TMEM132D: variants seen among roughly 807,000 people sequenced by gnomAD.
The protein encoded by TMEM132D is transmembrane protein 132D, also known as mature OL transmembrane protein.
A neutral mutation model predicts 62.3 loss-of-function variants in TMEM132D; 21 were observed. The ratio of observed to expected loss-of-function variants is 0.34; its 90% confidence interval spans 0.24 to 0.49. The LOEUF (loss-of-function observed/expected upper bound fraction) is 0.49, where lower values mean the gene tolerates loss of function less well. TMEM132D is among the 20% of genes least tolerant of loss of function. TMEM132D has a pLI of 0.99. For synonymous variants in TMEM132D, 621 were observed against 575.6 expected, an observed-to-expected ratio of 1.08 and a Z score of -1.13; for missense variants, 1,346 against 1,402.8, an observed-to-expected ratio of 0.96 and a Z score of 0.65.
At chr12:129,203,597 C>A (rs539477521) in intron 5 of TMEM132D, among the ~76,000 whole-genome samples, 1 of 152,334 alleles carries the variant, frequency 6.6e-6, no homozygotes, top group South Asian at 2.1e-4. Context: ...CCTACTTCTG[C>A]CTAAATTTGC....
chr12:129,739,453 C>T (rs538393335), intron 1 of TMEM132D, among the ~76,000 whole-genome samples: 136 of 152,256 alleles, frequency 8.9e-4, no homozygotes, highest in African/African-American at 3.1e-3. Flanking sequence ...GATGGATGCA[C>T]GCTGGCCTAC....
In TMEM132D at chr12:129,546,733, G is replaced by A. The variant is rs184505903; in HGVS notation, c.969-15528C>T. On this transcript the variant is annotated intron_variant, in intron 2 of 8. Coordinates refer to ENST00000422113, the MANE Select transcript of TMEM132D (RefSeq NM_133448.3). The stretch of plus-strand genomic sequence containing the variant: ...GGAGAATTGCTTGAACCCAGGAGGT[G>A]GAGGTTGCAGTGAGCCGAGATCATG... 4.7e-3 allele frequency among the ~76,000 whole-genome samples: 712 copies of A among 151,966 alleles called. 7 individuals are homozygous for A. Among genetic ancestry groups the A allele is most frequent in the Admixed American group, 0.023 (349 of 15,268 alleles).
chr12:129,490,354 A>G (rs1346702681), intron 3 of TMEM132D, among the ~76,000 whole-genome samples: 1 of 148,080 alleles, frequency 6.8e-6, no homozygotes, highest in Middle Eastern at 3.3e-3. Context: ...ACCCACAGGT[A>G]TGTCTTGTTT....
At chr12:129,712,622 C>A (rs904240676) in intron 1 of TMEM132D, among the ~76,000 whole-genome samples, 8 of 152,114 alleles carry the variant, frequency 5.3e-5, no homozygotes, top group African/African-American at 1.7e-4. Context: ...GTATGGCTGG[C>A]GCTACCAAGA....
At chr12:129,829,288 C>T (rs896268697) in intron 1 of TMEM132D, among the ~76,000 whole-genome samples, 3 of 152,104 alleles carry the variant, frequency 2.0e-5, no homozygotes, top group Non-Finnish European at 2.9e-5. Flanking sequence ...TGAAATACGA[C>T]GGCCACAGGG....
At chr12:129,315,394 G>A (rs1868454182) in intron 4 of TMEM132D, among the ~76,000 whole-genome samples, 1 of 151,986 alleles carries the variant, frequency 6.6e-6, no homozygotes, top group South Asian at 2.1e-4. Context: ...TGCATCTATT[G>A]AGATGATTAT....
intron 5 of TMEM132D, among the ~76,000 whole-genome samples, chr12:129,201,235 AT>A (rs999152100): frequency 6.6e-6 from 1 of 152,178 alleles, no homozygotes; most frequent in South Asian, 2.1e-4. Context: ...ACCTCAGCAA[AT>A]TTTTCAGGAG....
intron 2 of TMEM132D, among the ~76,000 whole-genome samples, chr12:129,585,319 G>A (rs1877993918): frequency 6.6e-6 from 1 of 152,180 alleles, no homozygotes; most frequent in African/African-American, 2.4e-5. Context: ...GCAGGGATGA[G>A]GTTTTGTGAG....
At chr12:129,741,046 C>A (rs1379599973) in intron 1 of TMEM132D, among the ~76,000 whole-genome samples, 1 of 152,154 alleles carries the variant, frequency 6.6e-6, no homozygotes, top group Non-Finnish European at 1.5e-5. Flanking sequence ...AGCCAAAATG[C>A]CATCTCCTGA....
At chr12:129,638,470 C>CTA (rs148081619) in intron 2 of TMEM132D, among the ~76,000 whole-genome samples, 1 of 110,188 alleles carries the variant, frequency 9.1e-6, no homozygotes, top group Non-Finnish European at 2.0e-5. Flanking sequence ...AAAAATCACA[C>CTA]TATATATATA....
chr12:129,474,246 T>G (rs1034666234), intron 3 of TMEM132D, among the ~76,000 whole-genome samples: 1 of 152,214 alleles, frequency 6.6e-6, no homozygotes, highest in Admixed American at 6.5e-5. Context: ...TTAATAAAGA[T>G]GTATGCCCTT....
At chr12:129,668,986 C>G (rs1198185907) in intron 2 of TMEM132D, among the ~76,000 whole-genome samples, 1 of 152,146 alleles carries the variant, frequency 6.6e-6, no homozygotes, top group Non-Finnish European at 1.5e-5. Context: ...CTCAGAAACC[C>G]CACATTATCT....
At chr12:129,715,241 G>A (rs1295739159) in intron 1 of TMEM132D, among the ~76,000 whole-genome samples, 10 of 151,808 alleles carry the variant, frequency 6.6e-5, no homozygotes, top group African/African-American at 2.4e-4. Context: ...AGGAGGAAGA[G>A]GAGCATGAGC....
chr12:129,219,922 C>G (rs1046396203), intron 4 of TMEM132D, among the ~76,000 whole-genome samples: 4 of 152,298 alleles, frequency 2.6e-5, no homozygotes, highest in African/African-American at 9.6e-5. Flanking sequence ...TCGCCTCTGT[C>G]TGCCATTTCC....
intron 2 of TMEM132D, among the ~76,000 whole-genome samples, chr12:129,638,470 CTA>C (rs148081619): frequency 1.8e-5 from 2 of 110,188 alleles, no homozygotes; most frequent in African/African-American, 6.5e-5. Context: ...AAAAATCACA[CTA>C]TATATATAGT....
intron 1 of TMEM132D, among the ~76,000 whole-genome samples, chr12:129,816,613 C>G (rs1872352937): frequency 6.6e-6 from 1 of 152,044 alleles, no homozygotes; most frequent in African/African-American, 2.4e-5. Flanking sequence ...AAGAGAGACA[C>G]AAATGATGAA....
chr12:129,345,435 A>G (rs1001291426), intron 3 of TMEM132D, among the ~76,000 whole-genome samples: 9 of 152,164 alleles, frequency 5.9e-5, no homozygotes, highest in African/African-American at 1.4e-4. Context: ...ATTCTCGAAC[A>G]CTGGGACCAG....
intron 2 of TMEM132D, among the ~76,000 whole-genome samples, chr12:129,553,856 C>T (rs771948829): frequency 2.0e-5 from 3 of 152,278 alleles, no homozygotes; most frequent in Non-Finnish European, 4.4e-5. Flanking sequence ...TCCTCAACCC[C>T]TAAGTAAGTT....
intron 7 of TMEM132D, 131 bp from the exon 8 acceptor site, chr12:129,078,856 C>A (rs1425275575): frequency 9.6e-6 from 8 of 833,484 alleles, no homozygotes. Flanking sequence ...GAGAACAGGC[C>A]TTTCCCACTC....
Sources: allele counts gnomAD v4.1 joint callset (sites outside exome capture counted in the v4.1 genomes callset), GRCh38; gene constraint gnomAD v4.1.1; transcripts MANE v1.5; gene names NCBI Gene and HGNC (gene_info 2026-07-23, HGNC 2026-07-21).